PSPC1: variants seen among roughly 807,000 people sequenced by gnomAD.
The protein encoded by PSPC1 is paraspeckle protein 1.
In PSPC1, 14 loss-of-function variants were observed where a neutral mutation model predicts 51.6. The ratio of observed to expected loss-of-function variants is 0.27; its 90% CI spans 0.18 to 0.42. The LOEUF is 0.42. Among genes scored for constraint, PSPC1 ranks in the 10% least tolerant of loss-of-function variants. PSPC1 has a pLI of 1.00. For missense variants in PSPC1, 406 were observed against 701.1 expected (o/e 0.58, Z 4.75); for synonymous variants, 193 against 231.9 (o/e 0.83, Z 1.53).
At chr13:19,692,838 T>G (rs1286460606) in intron 6 of PSPC1, among the ~76,000 whole-genome samples, 1 of 152,138 alleles carries the variant, frequency 6.6e-6, no homozygotes, top group Non-Finnish European at 1.5e-5. Context: ...TTATCTGGAA[T>G]CTGAACAATC....
intron 6 of PSPC1, among the ~76,000 whole-genome samples, chr13:19,712,136 G>A (rs927799347): frequency 1.3e-5 from 2 of 152,162 alleles, no homozygotes; most frequent in Admixed American, 1.3e-4. Context: ...TCAGAAGCTG[G>A]TTACACACCA....
intron 7 of PSPC1, among the ~76,000 whole-genome samples, chr13:19,706,597 T>C (rs1420041180): frequency 2.6e-5 from 4 of 152,170 alleles, no homozygotes; most frequent in Non-Finnish European, 4.4e-5. Flanking sequence ...TCCACCTACC[T>C]CATTAACATT....
At chr13:19,778,418 C>T (rs903814578) in intron 1 of PSPC1, among the ~76,000 whole-genome samples, 14 of 117,612 alleles carry the variant, frequency 1.2e-4, no homozygotes, top group Admixed American at 1.7e-4. Context: ...CCCACGGTCT[C>T]CCTCTCATGC....
intron 3 of PSPC1, among the ~76,000 whole-genome samples, chr13:19,756,627 G>C (rs1334554172): frequency 6.6e-6 from 1 of 151,964 alleles, no homozygotes; most frequent in East Asian, 2.0e-4. Context: ...AGCCTCCTGA[G>C]TAGCTAGAAT....
chr13:19,672,128 T>C (rs562040959), downstream of PSPC1: 1 of 432,332 alleles, frequency 2.3e-6, no homozygotes, highest in Admixed American at 3.7e-5. Context: ...GAGGATTATT[T>C]AAGAAAATTA....
At chr13:19,739,015 T>A (rs542315845) in intron 5 of PSPC1, among the ~76,000 whole-genome samples, 1 of 152,168 alleles carries the variant, frequency 6.6e-6, no homozygotes, top group Non-Finnish European at 1.5e-5. Flanking sequence ...TCCATAGATG[T>A]AGAACCCACA....
intron 6 of PSPC1, among the ~76,000 whole-genome samples, chr13:19,683,604 C>T (rs1877525900): frequency 6.6e-6 from 1 of 152,006 alleles, no homozygotes; most frequent in Admixed American, 6.6e-5. Flanking sequence ...ACAGGGTAAC[C>T]CTAAATTCTA....
intron 8 of PSPC1, among the ~76,000 whole-genome samples, chr13:19,704,213 T>A (rs898198994): frequency 6.6e-6 from 1 of 152,292 alleles, no homozygotes; most frequent in African/African-American, 2.4e-5. Context: ...AAGTTTTTAC[T>A]AGCTTTCAAA....
chr13:19,750,297 T>G (rs1566025927), intron 4 of PSPC1, among the ~76,000 whole-genome samples: 1 of 151,964 alleles, frequency 6.6e-6, no homozygotes, highest in Non-Finnish European at 1.5e-5. Flanking sequence ...CCGGACATTG[T>G]GGTGTGTGCC....
chr13:19,689,162 T>G (rs1297368062), intron 6 of PSPC1, among the ~76,000 whole-genome samples: 1 of 152,158 alleles, frequency 6.6e-6, no homozygotes, highest in Non-Finnish European at 1.5e-5. Flanking sequence ...AGAGAAGCAC[T>G]GAGGTCTGAA....
chr13:19,729,930 T>C (rs1883842658), intron 6 of PSPC1, among the ~76,000 whole-genome samples: 2 of 152,176 alleles, frequency 1.3e-5, no homozygotes, highest in South Asian at 2.1e-4. Flanking sequence ...TATTAGTATG[T>C]GGTGAAAATC....
intron 3 of PSPC1, among the ~76,000 whole-genome samples, chr13:19,756,703 G>GCTAA (rs1887111431): frequency 6.6e-6 from 1 of 151,912 alleles, no homozygotes; most frequent in Non-Finnish European, 1.5e-5. Context: ...GTTTCACCAT[G>GCTAA]TTAGGCTGGT....
chr13:19,759,862 A>AC (rs888396915), intron 2 of PSPC1, among the ~76,000 whole-genome samples: 24 of 10,148 alleles, frequency 2.4e-3, no homozygotes, highest in Non-Finnish European at 4.9e-3. Context: ...ACTCCATCAC[A>AC]AAAAAAAAAA....
downstream of PSPC1, among the ~76,000 whole-genome samples, chr13:19,698,477 T>G (rs1478343532): frequency 6.6e-6 from 1 of 151,930 alleles, no homozygotes; most frequent in Non-Finnish European, 1.5e-5. Context: ...AAATTTATAT[T>G]AAAATATGAA....
chr13:19,777,897 G>A (rs1336575551), intron 1 of PSPC1, among the ~76,000 whole-genome samples: 1 of 151,878 alleles, frequency 6.6e-6, no homozygotes, highest in Non-Finnish European at 1.5e-5. Context: ...AGTGAGTCGA[G>A]ATCGCGCTAC....
chr13:19,698,860 A>C (rs1361153642), downstream of PSPC1, among the ~76,000 whole-genome samples: 1 of 151,948 alleles, frequency 6.6e-6, no homozygotes, highest in Non-Finnish European at 1.5e-5. Context: ...GAATTTCAGT[A>C]TCTTCAATCT....
chr13:19,769,796 T>C (rs1888449018), intron 2 of PSPC1, among the ~76,000 whole-genome samples: 1 of 152,030 alleles, frequency 6.6e-6, no homozygotes, highest in African/African-American at 2.4e-5. Context: ...ACACCAAGTG[T>C]GGGTAAAATG....
Position 19,782,548 on chromosome 13 carries a change from G to A in PSPC1, c.210C>T (p.Phe70=), listed in dbSNP as rs1467112713. The A allele has an allele frequency of 5.6e-6, 9 of 1,613,040 alleles. No individual in the cohort carries two copies. Among genetic ancestry groups the A allele is most frequent in the East Asian group, 2.2e-5 (1 of 44,748 alleles). ...TGTACGTCTTCTCGCCCGGCTTGAG[G>A]AAACTCTTGATGTCGATAGTGAACC... is the stretch of plus-strand genomic sequence containing the variant. ...EMGFTIDIKS[F]LKPGEKTYTQ... is the part of the protein sequence containing the mutation. The change falls in exon 1 of 9, where the codon TTC becomes TTT. Residue 70 remains phenylalanine (F), a synonymous_variant. Coordinates refer to ENST00000338910, the MANE Select transcript of PSPC1 (RefSeq NM_001354909.2). This position sits in a 1 kb window ranked among gnomAD's most constrained non-coding sequence, Gnocchi z 4.5.
intron 2 of PSPC1, 149 bp from the exon 3 acceptor site, chr13:19,759,567 A>G: frequency 4.7e-6 from 3 of 632,244 alleles, no homozygotes; most frequent in Non-Finnish European, 8.1e-6. Flanking sequence ...TGTACTCATA[A>G]AAATCAGTCA....
Sources: allele counts gnomAD v4.1 joint callset (sites outside exome capture counted in the v4.1 genomes callset), GRCh38; gene constraint gnomAD v4.1.1; non-coding constraint Gnocchi (gnomAD v3.1); transcripts MANE v1.5; gene names NCBI Gene and HGNC (gene_info 2026-07-23, HGNC 2026-07-21).